Variants in XKR6 observed in about 807,000 individuals in gnomAD.
XKR6 encodes the protein XK related 6, also known as XK-related protein 6.
XKR6 carries 22 observed loss-of-function variants against 56.7 expected under a neutral mutation model. The observed-to-expected ratio is 0.39, with a 90% CI of 0.28 to 0.55. XKR6 has a LOEUF of 0.55. Among genes scored for constraint, XKR6 ranks in the 20% least tolerant of loss-of-function variants. XKR6 has a pLI of 0.66. For missense variants in XKR6, 852 were observed against 889.0 expected (o/e 0.96, Z 0.53); for synonymous variants, 524 against 387.8 (o/e 1.35, Z -4.13).
intron 1 of XKR6, among the ~76,000 whole-genome samples, chr8:10,970,730 G>T (rs1802384444): frequency 6.8e-6 from 1 of 147,894 alleles, no homozygotes; most frequent in Admixed American, 6.8e-5. Flanking sequence ...TTTAACTAGA[G>T]AACTACCTTT....
chr8:11,128,992 G>A (rs762257810), intron 1 of XKR6: 5 of 456,208 alleles, frequency 1.1e-5, no homozygotes, highest in African/African-American at 2.0e-5. Flanking sequence ...GGTTTGTTCT[G>A]TTCTCTCTTG....
chr8:11,176,913 G>C (rs1802686615), intron 1 of XKR6, among the ~76,000 whole-genome samples: 1 of 152,190 alleles, frequency 6.6e-6, no homozygotes, highest in Admixed American at 6.5e-5. Context: ...CAGTGCCACT[G>C]ACAACCACTT....
intron 1 of XKR6, among the ~76,000 whole-genome samples, chr8:11,009,312 A>T (rs1353414770): frequency 6.6e-6 from 1 of 152,144 alleles, no homozygotes; most frequent in Non-Finnish European, 1.5e-5. Flanking sequence ...GGAGTTCAAG[A>T]CCGGCCTGGG....
intron 1 of XKR6, among the ~76,000 whole-genome samples, chr8:11,088,629 C>T (rs1174326072): frequency 6.6e-6 from 1 of 152,184 alleles, no homozygotes; most frequent in Admixed American, 6.5e-5. Flanking sequence ...CTATTAAAAT[C>T]AATCAGCTAA....
chr8:10,943,653 T>C (rs1435164431), intron 1 of XKR6, among the ~76,000 whole-genome samples: 1 of 152,192 alleles, frequency 6.6e-6, no homozygotes. Flanking sequence ...GTGCTCTGCA[T>C]CTATCAACTC....
chr8:11,090,127 A>G (rs1161356183), intron 1 of XKR6, among the ~76,000 whole-genome samples: 1 of 152,218 alleles, frequency 6.6e-6, no homozygotes, highest in Non-Finnish European at 1.5e-5. Context: ...TCAGTCACCC[A>G]GGCTGGAGTG....
chr8:11,191,988 T>G (rs1260982626), intron 1 of XKR6, among the ~76,000 whole-genome samples: 1 of 152,126 alleles, frequency 6.6e-6, no homozygotes, highest in East Asian at 1.9e-4. Flanking sequence ...AACATCAGGA[T>G]AGGATATGTG....
chr8:11,029,405 G>A (rs1798941523), intron 1 of XKR6, among the ~76,000 whole-genome samples: 1 of 152,170 alleles, frequency 6.6e-6, no homozygotes, highest in Non-Finnish European at 1.5e-5. Context: ...ATTAGGAAAT[G>A]GGGTCTTTGG....
intron 1 of XKR6, chr8:11,123,612 T>C (rs572926910): frequency 3.3e-6 from 1 of 307,362 alleles, no homozygotes; most frequent in South Asian, 3.0e-5. Context: ...AAAATTCAAG[T>C]GTGCAGAGTT....
chr8:11,154,331 C>G lies in XKR6; in HGVS notation c.764+46245G>C, dbSNP rs74447986. Among the ~76,000 whole-genome samples the G allele has an allele frequency of 4.4e-3, 673 of 152,266 alleles. 4 individuals carry two copies. Among genetic ancestry groups the G allele is most frequent in the Admixed American group, 8.6e-3 (131 of 15,298 alleles). ...TAGACACCAAAAATCAGAAGAGATT[C>G]CTTGGTTGGCAACATTCCGTGCGTA... On this transcript the variant is annotated intron_variant, in intron 1 of 2. Transcript: ENST00000416569.
At chr8:11,073,335 C>T (rs1392279903) in intron 1 of XKR6, among the ~76,000 whole-genome samples, 1 of 152,138 alleles carries the variant, frequency 6.6e-6, no homozygotes, top group African/African-American at 2.4e-5. Flanking sequence ...CTAGGAACTA[C>T]ATTGGGTCTT....
chr8:11,197,616 T>A (rs544758787), intron 1 of XKR6, among the ~76,000 whole-genome samples: 1 of 152,320 alleles, frequency 6.6e-6, no homozygotes, highest in African/African-American at 2.4e-5. Context: ...TAGTAATTAG[T>A]GGGAGTAAGG....
chr8:11,195,677 C>G (rs991256846), intron 1 of XKR6, among the ~76,000 whole-genome samples: 3 of 145,996 alleles, frequency 2.1e-5, no homozygotes, highest in East Asian at 4.1e-4. Flanking sequence ...GAGATGGAGT[C>G]TCGCTCTGTC....
At chr8:11,001,498 G>A (rs1046874232) in intron 1 of XKR6, among the ~76,000 whole-genome samples, 1 of 152,144 alleles carries the variant, frequency 6.6e-6, no homozygotes, top group Non-Finnish European at 1.5e-5. Context: ...TATCCCAATT[G>A]AGCAGAAACA....
intron 1 of XKR6, among the ~76,000 whole-genome samples, chr8:10,947,809 T>A (rs1026284365): frequency 6.6e-6 from 1 of 152,210 alleles, no homozygotes; most frequent in African/African-American, 2.4e-5. Flanking sequence ...CTTTGCTCAG[T>A]TCTTCCCTCA....
At chr8:10,991,540 T>G (rs574754069) in intron 1 of XKR6, among the ~76,000 whole-genome samples, 2 of 152,300 alleles carry the variant, frequency 1.3e-5, no homozygotes, top group South Asian at 4.2e-4. Flanking sequence ...TCCTCGGGGT[T>G]GCCATAGGTC....
rs1046557792 is a variant in XKR6, at chr8:11,132,007, G to A, written c.764+68569C>T. On this transcript the variant is annotated intron_variant, in intron 1 of 2. Coordinates refer to ENST00000416569, the MANE Select transcript of XKR6 (RefSeq NM_173683.4). Reference sequence around the variant, plus strand: ...GTATGTTTTTCCCCTAGTGCTGCTGGCCCGAAGAGCCATTATCTTCTCTGC... The same window carrying A: ...GTATGTTTTTCCCCTAGTGCTGCTGACCCGAAGAGCCATTATCTTCTCTGC... Among the ~76,000 whole-genome samples the A allele has an allele frequency of 5.9e-5, 9 of 152,186 alleles. 1 individual carries two copies. Among genetic ancestry groups the A allele is most frequent in the Admixed American group, 5.2e-4 (8 of 15,290 alleles).
At chr8:10,933,653 G>T (rs1316804526) in intron 1 of XKR6, among the ~76,000 whole-genome samples, 1 of 122,298 alleles carries the variant, frequency 8.2e-6, no homozygotes, top group Admixed American at 7.5e-5. Context: ...ATTAAATAGG[G>T]AATCCTTTCC....
chr8:10,951,128 G>C (rs1332297122), intron 1 of XKR6, among the ~76,000 whole-genome samples: 5 of 152,222 alleles, frequency 3.3e-5, no homozygotes, highest in Non-Finnish European at 7.3e-5. Context: ...CTTGCAGCAG[G>C]TGCCCAGGAA....
Sources: gnomAD v4.1 joint callset for allele counts (sites outside exome capture counted in the v4.1 genomes callset) on GRCh38, gnomAD v4.1.1 for gene constraint, MANE v1.5 for transcripts, NCBI Gene and HGNC (gene_info 2026-07-23, HGNC 2026-07-21) for gene names.